ERI1: variants seen among roughly 807,000 people sequenced by gnomAD.
ERI1 encodes exoribonuclease 1, also known as 3'-5' exoribonuclease 1.
Under a neutral mutation model 39.7 loss-of-function variants are expected in ERI1, and 39 were observed. The ratio of observed to expected loss-of-function variants is 0.98; its 90% CI spans 0.76 to 1.28. The LOEUF is 1.28. Ranked by LOEUF, ERI1 falls within the 50% of genes most tolerant of loss-of-function variation. The pLI is 0.00. For synonymous variants in ERI1, 204 were observed against 149.6 expected (o/e 1.36, Z -2.65); for missense variants, 581 against 416.9 (o/e 1.39, Z -3.43).
intron 3 of ERI1, among the ~76,000 whole-genome samples, chr8:9,059,838 G>A (rs1359937693): frequency 6.6e-6 from 1 of 152,168 alleles, no homozygotes; most frequent in Admixed American, 6.5e-5. Flanking sequence ...AGTTGAGAAT[G>A]GTGAATAGGA....
intron 1 of ERI1, among the ~76,000 whole-genome samples, chr8:9,007,594 C>T (rs1816156512): frequency 1.3e-5 from 2 of 152,232 alleles, no homozygotes; most frequent in Non-Finnish European, 2.9e-5. Flanking sequence ...ACCAAATTAC[C>T]ATTTTATAGA....
At chr8:9,013,092 G>T (rs937047861) in intron 3 of ERI1, among the ~76,000 whole-genome samples, 10 of 151,440 alleles carry the variant, frequency 6.6e-5, no homozygotes, top group African/African-American at 2.2e-4. Flanking sequence ...CCAGCTGACT[G>T]CAACCTCCAC....
intron 3 of ERI1, among the ~76,000 whole-genome samples, chr8:9,075,164 C>T (rs961644101): frequency 6.6e-6 from 1 of 152,208 alleles, no homozygotes; most frequent in African/African-American, 2.4e-5. Flanking sequence ...ACTATGTCTC[C>T]ACACCAAGCA....
downstream of ERI1, among the ~76,000 whole-genome samples, chr8:9,037,891 TAAA>T (rs33912518): frequency 7.5e-5 from 11 of 145,784 alleles, no homozygotes; most frequent in African/African-American, 7.6e-5. Flanking sequence ...ATTGCTGATT[TAAA>T]AAAAAAAAAA....
intron 5 of ERI1, 83 bp downstream of exon 5, chr8:9,018,489 C>G: frequency 1.3e-6 from 1 of 787,394 alleles, no homozygotes; most frequent in East Asian, 2.7e-5. Flanking sequence ...TTAGAATAAC[C>G]ACAAACTATT....
At chr8:9,074,575 G>A (rs1045755630) in intron 3 of ERI1, among the ~76,000 whole-genome samples, 1 of 152,100 alleles carries the variant, frequency 6.6e-6, no homozygotes, top group African/African-American at 2.4e-5. Flanking sequence ...CTGAGTAGCT[G>A]AGACTACAGG....
intron 3 of ERI1, among the ~76,000 whole-genome samples, chr8:9,041,922 C>T (rs142147518): frequency 4.8e-4 from 73 of 152,208 alleles, no homozygotes; most frequent in Admixed American, 4.0e-3. Flanking sequence ...TTAGTAGAGA[C>T]GTGGTTTCAC....
intron 4 of ERI1, 111 bp downstream of exon 4, chr8:9,016,516 T>C: frequency 2.1e-6 from 1 of 486,162 alleles, no homozygotes; most frequent in Non-Finnish European, 3.5e-6. Context: ...TTTAATACCT[T>C]GCTTGGTAAA....
At chr8:9,047,340 C>G (rs1412060459) in intron 3 of ERI1, among the ~76,000 whole-genome samples, 1 of 152,134 alleles carries the variant, frequency 6.6e-6, no homozygotes, top group East Asian at 1.9e-4. Context: ...GCCACTTAGG[C>G]TAAGGAGCCC....
At chr8:9,057,386 A>T (rs998757667) in intron 3 of ERI1, among the ~76,000 whole-genome samples, 3 of 152,156 alleles carry the variant, frequency 2.0e-5, no homozygotes, top group Non-Finnish European at 4.4e-5. Flanking sequence ...CACAACTTGT[A>T]ATTGCAGAAT....
At chr8:9,068,614 G>T (rs1798957175) in intron 3 of ERI1, among the ~76,000 whole-genome samples, 1 of 151,854 alleles carries the variant, frequency 6.6e-6, no homozygotes, top group South Asian at 2.1e-4. Flanking sequence ...TCGCCTTTAG[G>T]GTCCTCATAT....
At chr8:9,073,866 A>T (rs1351198561) in intron 3 of ERI1, among the ~76,000 whole-genome samples, 1 of 152,182 alleles carries the variant, frequency 6.6e-6, no homozygotes, top group African/African-American at 2.4e-5. Flanking sequence ...CTAGCTTCTT[A>T]AAAAAGTCAA....
At chr8:9,028,985 T>TTC (rs1249802901) in intron 6 of ERI1, among the ~76,000 whole-genome samples, 18 of 150,528 alleles carry the variant, frequency 1.2e-4, no homozygotes, top group African/African-American at 4.1e-4. Context: ...TTTTTTTTTT[T>TTC]TTTTTTTTTT....
intron 3 of ERI1, among the ~76,000 whole-genome samples, chr8:9,039,781 C>T (rs1335755359): frequency 6.6e-6 from 1 of 152,052 alleles, no homozygotes; most frequent in African/African-American, 2.4e-5. Flanking sequence ...ATATCTAGAA[C>T]CTAATTTATT....
chr8:9,087,798 G>C lies in ERI1; in HGVS notation n.300-28550G>C, dbSNP rs554639750. Among the ~76,000 whole-genome samples the C allele has an allele frequency of 2.0e-3, 303 of 152,300 alleles. 3 individuals carry two copies. The highest frequency in any genetic ancestry group is 7.2e-3 in the African/African-American group (298 of 41,566). ...GTTTGAGGTTCCCTACTTTCACAGAGAGGGAAAGGGGCAGATTCAGGTAGG... is the reference window on the plus strand; with the variant it reads ...GTTTGAGGTTCCCTACTTTCACAGACAGGGAAAGGGGCAGATTCAGGTAGG... On this transcript the variant is annotated intron_variant and non_coding_transcript_variant, in intron 3 of 3. Coordinates refer to the ERI1 transcript ENST00000518663.
chr8:9,025,367 C>G (rs1818360271), intron 6 of ERI1, among the ~76,000 whole-genome samples: 1 of 152,204 alleles, frequency 6.6e-6, no homozygotes, highest in African/African-American at 2.4e-5. Context: ...AATCTTGTCA[C>G]TTGAAGTCAA....
intron 3 of ERI1, among the ~76,000 whole-genome samples, chr8:9,089,085 T>C (rs1382718230): frequency 1.3e-5 from 2 of 152,186 alleles, no homozygotes; most frequent in Non-Finnish European, 2.9e-5. Context: ...TCGCCATCAC[T>C]AAGGCTCGGT....
chr8:9,022,664 T>C (rs1013339912), intron 6 of ERI1, among the ~76,000 whole-genome samples: 1 of 152,222 alleles, frequency 6.6e-6, no homozygotes, highest in South Asian at 2.1e-4. Context: ...CCTCCCAAAG[T>C]GCTGGGATTA....
chr8:9,031,449 T>G lies in ERI1; in HGVS notation c.*1415T>G, dbSNP rs1446867741. ...GTGTTCCTAGATGAACTGTTACAGATTATAGTAAAATAAGGAAATCTAAGT... is the reference window on the plus strand; with the variant it reads ...GTGTTCCTAGATGAACTGTTACAGAGTATAGTAAAATAAGGAAATCTAAGT... On this transcript the variant is annotated 3_prime_UTR_variant, in exon 7 of 7. Transcript: ENST00000250263. 6.6e-6 allele frequency: 1 copy of G among 152,168 alleles called. No homozygotes were observed. Among genetic ancestry groups the G allele is most frequent in the Non-Finnish European group, 1.5e-5 (1 of 68,028 alleles). The allele number at this position is 152,168 out of a possible 1,614,324, so 9.4% of individuals were successfully genotyped here.
Sources: allele counts gnomAD v4.1 joint callset (sites outside exome capture counted in the v4.1 genomes callset), GRCh38; gene constraint gnomAD v4.1.1; transcripts MANE v1.5; gene names NCBI Gene and HGNC (gene_info 2026-07-23, HGNC 2026-07-21).